The following SPIDR variants were observed in gnomAD, a reference collection of about 807,000 sequenced individuals.
The protein encoded by SPIDR is DNA repair-scaffolding protein.
In SPIDR, 93 loss-of-function variants were observed where a neutral mutation model predicts 104.6. The ratio of observed to expected loss-of-function variants is 0.89; its 90% CI spans 0.75 to 1.06. SPIDR has a LOEUF of 1.06. SPIDR is among the 50% of genes least tolerant of loss of function. The pLI, the probability that SPIDR is intolerant of heterozygous loss-of-function variation, is 0.00. For synonymous variants in SPIDR, 431 were observed against 416.9 expected, an observed-to-expected ratio of 1.03 and a Z score of -0.41; for missense variants, 1,154 against 1,111.2, an observed-to-expected ratio of 1.04 and a Z score of -0.55.
rs137943209 is a variant in SPIDR, at chr8:47,338,528, A to G, written c.525+44498A>G. ...TGGGAGCCATGGCATTGTGAGCAAT[A>G]CTAGTGTTGTTGCCTTTTTCTTGGG... On this transcript the variant is annotated intron_variant, in intron 5 of 19. Coordinates refer to ENST00000297423, the MANE Select transcript of SPIDR (RefSeq NM_001080394.4). Among the ~76,000 whole-genome samples the G allele has an allele frequency of 1.6e-3, 240 of 152,312 alleles. 1 individual carries two copies. Among genetic ancestry groups the G allele is most frequent in the African/African-American group, 5.6e-3 (234 of 41,558 alleles).
intron 8 of SPIDR, among the ~76,000 whole-genome samples, chr8:47,492,435 T>A (rs1344991240): frequency 2.0e-5 from 3 of 152,224 alleles, no homozygotes; most frequent in African/African-American, 7.2e-5. Flanking sequence ...ATTTTAGCCC[T>A]AATGAATTCA....
In SPIDR at chr8:47,477,118, GA is replaced by G. The variant is rs782582947; in HGVS notation, c.1097+36577del. ...GCATAGTTTCCTAATGAGTAAAATG[GA>G]GATTAAAAACACTTCAGGGCCTATG... On this transcript the variant is annotated intron_variant, in intron 8 of 19. Transcript: ENST00000297423. 3.3e-5 allele frequency among the ~76,000 whole-genome samples: 5 copies of G among 152,148 alleles called. No individual in the cohort carries two copies. The East Asian group carries it at 7.7e-4, about 23-fold the overall frequency.
At chr8:47,466,322 C>T (rs374593701) in intron 8 of SPIDR, among the ~76,000 whole-genome samples, 20 of 152,294 alleles carry the variant, frequency 1.3e-4, no homozygotes, top group African/African-American at 4.3e-4. Context: ...AACAGCCATT[C>T]TGTCAGACCA....
intron 5 of SPIDR, among the ~76,000 whole-genome samples, chr8:47,377,911 A>G (rs781968077): frequency 1.3e-5 from 2 of 152,232 alleles, no homozygotes; most frequent in Non-Finnish European, 2.9e-5. Context: ...TACTTATATT[A>G]CAAAATGTCC....
intron 7 of SPIDR, among the ~76,000 whole-genome samples, chr8:47,439,435 A>ACGT (rs2068969325): frequency 6.6e-6 from 1 of 151,988 alleles, no homozygotes; most frequent in Admixed American, 6.6e-5. Flanking sequence ...TGATTCTTAG[A>ACGT]CGTCTACTTC....
chr8:47,339,973 C>A (rs1255393348), intron 5 of SPIDR, among the ~76,000 whole-genome samples: 2 of 152,172 alleles, frequency 1.3e-5, no homozygotes, highest in African/African-American at 4.8e-5. Context: ...GCCACCGCGC[C>A]TGGACTGTTT....
chr8:47,608,297 T>C (rs1292957768), intron 10 of SPIDR, among the ~76,000 whole-genome samples: 2 of 152,266 alleles, frequency 1.3e-5, no homozygotes, highest in African/African-American at 4.8e-5. Context: ...TATGGATGAA[T>C]AATAATCCAT....
intron 10 of SPIDR, among the ~76,000 whole-genome samples, chr8:47,639,617 G>A (rs1270567634): frequency 6.6e-6 from 1 of 152,132 alleles, no homozygotes; most frequent in African/African-American, 2.4e-5. Flanking sequence ...AATGTTTCAG[G>A]CCCAGTGATG....
intron 8 of SPIDR, among the ~76,000 whole-genome samples, chr8:47,510,428 C>T (rs1204851646): frequency 6.6e-6 from 1 of 151,900 alleles, no homozygotes; most frequent in African/African-American, 2.4e-5. Context: ...AAGTTTATTC[C>T]AAGGAAATTG....
rs575643169 is a variant in SPIDR, at chr8:47,411,681, G to C, written c.877+3720G>C. ...TAATTAGATCCCATTTGTCAATTTT[G>C]GCTTTTGTTGCCATTGCTTTTGGTG... is the stretch of plus-strand genomic sequence containing the variant. On this transcript the variant is annotated intron_variant, in intron 7 of 19. Coordinates refer to ENST00000297423, the MANE Select transcript of SPIDR (RefSeq NM_001080394.4). 2.6e-5 allele frequency among the ~76,000 whole-genome samples: 4 copies of C among 152,194 alleles called. No individual in the cohort carries two copies. In the South Asian group the frequency reaches 8.3e-4, roughly 32 times the overall value.
chr8:47,733,262 C>G (rs1198087348), intron 19 of SPIDR, among the ~76,000 whole-genome samples: 1 of 152,110 alleles, frequency 6.6e-6, no homozygotes, highest in Non-Finnish European at 1.5e-5. Context: ...TGGTGCGCAC[C>G]TGTAATCCCA....
intron 8 of SPIDR, among the ~76,000 whole-genome samples, chr8:47,504,335 T>G (rs2081108563): frequency 6.6e-6 from 1 of 152,064 alleles, no homozygotes; most frequent in South Asian, 2.1e-4. Flanking sequence ...TGTTCGTTTC[T>G]TTTTTTTCTT....
At chr8:47,317,426 G>A (rs1300135962) in intron 5 of SPIDR, among the ~76,000 whole-genome samples, 1 of 152,130 alleles carries the variant, frequency 6.6e-6, no homozygotes, top group Non-Finnish European at 1.5e-5. Flanking sequence ...CCATTGCCAA[G>A]GCTTGAGTAG....
intron 7 of SPIDR, among the ~76,000 whole-genome samples, chr8:47,422,531 G>A (rs2065705068): frequency 6.6e-6 from 1 of 152,328 alleles, no homozygotes; most frequent in South Asian, 2.1e-4. Context: ...GCTAGGAAAG[G>A]GAATTCCCTG....
At chr8:47,311,566 G>A (rs587731516) in intron 5 of SPIDR, among the ~76,000 whole-genome samples, 1 of 152,232 alleles carries the variant, frequency 6.6e-6, no homozygotes, top group East Asian at 1.9e-4. Context: ...TGCCTGTAAT[G>A]CCAACACTTG....
chr8:47,583,563 G>A (rs1441514635), intron 8 of SPIDR, among the ~76,000 whole-genome samples: 3 of 152,172 alleles, frequency 2.0e-5, no homozygotes, highest in Admixed American at 6.5e-5. Context: ...GCCACACCAC[G>A]TGGTGTTGGA....
At chr8:47,693,104 T>C (rs1589250600) in intron 11 of SPIDR, among the ~76,000 whole-genome samples, 1 of 152,372 alleles carries the variant, frequency 6.6e-6, no homozygotes, top group East Asian at 1.9e-4. Flanking sequence ...TTGGGCTATT[T>C]GTTGCTGTCT....
intron 7 of SPIDR, among the ~76,000 whole-genome samples, chr8:47,420,816 A>G (rs1251865224): frequency 1.3e-5 from 2 of 152,214 alleles, no homozygotes; most frequent in Non-Finnish European, 2.9e-5. Flanking sequence ...CCTGGTGGTG[A>G]CAAAATCTCC....
chr8:47,569,694 A>G (rs1435393903), intron 8 of SPIDR, among the ~76,000 whole-genome samples: 2 of 152,196 alleles, frequency 1.3e-5, no homozygotes, highest in African/African-American at 4.8e-5. Context: ...GAAAGGAAGA[A>G]GTGAAATTTT....
Sources: gnomAD v4.1 joint callset for allele counts (sites outside exome capture counted in the v4.1 genomes callset) on GRCh38, gnomAD v4.1.1 for gene constraint, MANE v1.5 for transcripts, NCBI Gene and HGNC (gene_info 2026-07-23, HGNC 2026-07-21) for gene names.